The following ACVR2A variants were observed in gnomAD, a reference collection of about 807,000 sequenced individuals.
The protein encoded by ACVR2A is activin A receptor type 2A, also known as activin receptor type-2A.
Under a neutral mutation model 61.4 loss-of-function variants are expected in ACVR2A, and 7 were observed. That is an observed-to-expected ratio of 0.11 (90% CI 0.06 to 0.21). The LOEUF is 0.21. ACVR2A is among the 10% of genes least tolerant of loss of function. The probability of loss-of-function intolerance (pLI) is 1.00; values close to 1 mark genes in which losing one functional copy is unlikely to be tolerated. For missense variants in ACVR2A, 322 were observed against 621.7 expected (o/e 0.52, Z 5.13); for synonymous variants, 193 against 208.3 (o/e 0.93, Z 0.63).
At chr2:147,885,518 G>A (rs1686409425) in intron 1 of ACVR2A, among the ~76,000 whole-genome samples, 1 of 152,082 alleles carries the variant, frequency 6.6e-6, no homozygotes, top group African/African-American at 2.4e-5. Context: ...AGATATGTAA[G>A]CAGTTACATT....
intron 1 of ACVR2A, among the ~76,000 whole-genome samples, chr2:147,886,874 T>A (rs1433871945): frequency 6.6e-6 from 1 of 151,640 alleles, no homozygotes; most frequent in African/African-American, 2.4e-5. Context: ...AGGTATTTCA[T>A]CATATTGAGA....
chr2:147,910,956 A>T (rs896606775), intron 4 of ACVR2A, among the ~76,000 whole-genome samples: 3 of 152,144 alleles, frequency 2.0e-5, no homozygotes, highest in African/African-American at 7.2e-5. Flanking sequence ...GCCACCAGAA[A>T]CATTTTTCTG....
chr2:147,848,370 A>G lies in ACVR2A; in HGVS notation c.55+3163A>G, dbSNP rs554821763. ...GGTGAGTCCCCCTCCCTACTTCCCC[A>G]GATCCCCATCCATGGGACATTTGGA... On this transcript the variant is annotated intron_variant, in intron 1 of 10. Transcript: ENST00000241416. Among the ~76,000 whole-genome samples the G allele has an allele frequency of 3.9e-5, 6 of 152,212 alleles. No homozygotes were observed. The East Asian group carries it at 1.2e-3, about 29-fold the overall frequency.
chr2:147,899,347 G>T, intron 2 of ACVR2A, 111 bp from the exon 3 acceptor site: 1 of 680,690 alleles, frequency 1.5e-6, no homozygotes, highest in Non-Finnish European at 2.2e-6. Flanking sequence ...TACGAATCTT[G>T]AAGTTGAATA....
chr2:147,849,641 G>T (rs62169480), intron 1 of ACVR2A, among the ~76,000 whole-genome samples: 21,747 of 152,140 alleles, frequency 0.14, 1,924 homozygotes, highest in Middle Eastern at 0.23. Flanking sequence ...TTTTAAGGGA[G>T]TTAACCTAGC....
rs755842897 is a variant in ACVR2A, at chr2:147,927,094, C to T, written c.1362C>T (p.Leu454=). The part of the protein sequence containing the change: ...YWQKHAGMAM[L]CETIEECWDH... The stretch of plus-strand genomic sequence containing the variant: ...TCTCCTTTTAGGGAATGGCAATGCT[C>T]TGTGAAACCATTGAAGAATGTTGGG... The change falls in exon 11 of 11, where the codon CTC becomes CTT. Residue 454 remains leucine, a synonymous_variant. Coordinates refer to ENST00000241416, the MANE Select transcript of ACVR2A (RefSeq NM_001616.5). 4 of 1,611,648 alleles carry T rather than the reference C, an allele frequency of 2.5e-6. No individual in the cohort carries two copies. The South Asian group carries it at 4.4e-5, about 18-fold the overall frequency.
intron 5 of ACVR2A, among the ~76,000 whole-genome samples, 180 bp downstream of exon 5, chr2:147,915,514 CA>C (rs1573706873): frequency 6.6e-6 from 1 of 151,784 alleles, no homozygotes; most frequent in African/African-American, 2.4e-5. Context: ...GTTAATATAA[CA>C]ATCATTATGT....
intron 4 of ACVR2A, among the ~76,000 whole-genome samples, chr2:147,913,873 C>T (rs1394577371): frequency 1.7e-5 from 2 of 118,144 alleles, no homozygotes; most frequent in Admixed American, 1.8e-4. Context: ...AAATGAGTCA[C>T]AAGAAGTCTT....
chr2:147,859,992 G>T lies in ACVR2A; in HGVS notation c.55+14785G>T, dbSNP rs79185435. On this transcript the variant is annotated intron_variant, in intron 1 of 10. Coordinates refer to ENST00000241416, the MANE Select transcript of ACVR2A (RefSeq NM_001616.5). ...GTTTTAGAGGACAAAAATTATTCCA[G>T]TTGGCCACAGCTCACTGATTTCTTG... Among the ~76,000 whole-genome samples the T allele has an allele frequency of 1.5e-3, 232 of 152,236 alleles. 3 individuals are homozygous for T. The East Asian group carries it at 0.034, about 22-fold the overall frequency.
chr2:147,907,773 C>A (rs1051167783), intron 4 of ACVR2A, among the ~76,000 whole-genome samples: 2 of 152,028 alleles, frequency 1.3e-5, no homozygotes, highest in Admixed American at 6.6e-5. Context: ...GACCTGTAAT[C>A]CCAGCACTTT....
chr2:147,925,543 A>G (rs1308512458), intron 9 of ACVR2A: 3 of 151,964 alleles, frequency 2.0e-5, no homozygotes, highest in Non-Finnish European at 2.9e-5. Context: ...GAGAAGAGGT[A>G]TGACTCTGAG....
chr2:147,883,503 A>T (rs1686359717), intron 1 of ACVR2A, among the ~76,000 whole-genome samples: 1 of 152,130 alleles, frequency 6.6e-6, no homozygotes, highest in Non-Finnish European at 1.5e-5. Context: ...ATGAGTTTTC[A>T]AGTAGGAAAG....
chr2:147,846,297 G>A (rs1271055656), intron 1 of ACVR2A, among the ~76,000 whole-genome samples: 1 of 150,442 alleles, frequency 6.6e-6, no homozygotes, highest in Non-Finnish European at 1.5e-5. Flanking sequence ...AAACGGGGGC[G>A]AATTGACAGG....
chr2:147,913,529 C>G (rs1687171177), intron 4 of ACVR2A, among the ~76,000 whole-genome samples: 1 of 151,908 alleles, frequency 6.6e-6, no homozygotes, highest in Non-Finnish European at 1.5e-5. Flanking sequence ...GGTTTCCTTT[C>G]CTGTAGAAGA....
chr2:147,848,481 A>C (rs984181830), intron 1 of ACVR2A, among the ~76,000 whole-genome samples: 1 of 152,150 alleles, frequency 6.6e-6, no homozygotes, highest in Non-Finnish European at 1.5e-5. Context: ...AATCGTCCTA[A>C]AATACATGGT....
intron 4 of ACVR2A, among the ~76,000 whole-genome samples, chr2:147,913,822 CAAAAAAAAAAAAAAAAAAA>C (rs575237522): frequency 1.6e-5 from 1 of 61,782 alleles, no homozygotes; most frequent in South Asian, 9.0e-4. Context: ...AACTTGTAGA[CAAAAAAAAAAAAAAAAAAA>C]AAAAAAAAAA....
At chr2:147,882,278 C>A (rs1215487807) in intron 1 of ACVR2A, among the ~76,000 whole-genome samples, 5 of 152,224 alleles carry the variant, frequency 3.3e-5, no homozygotes, top group African/African-American at 1.2e-4. Context: ...ACGCTGGATG[C>A]AGTTGCTCAT....
At chr2:147,916,816 T>C (rs1239062531) in intron 5 of ACVR2A, among the ~76,000 whole-genome samples, 1 of 151,970 alleles carries the variant, frequency 6.6e-6, no homozygotes, top group East Asian at 1.9e-4. Context: ...CCTTGTAGGG[T>C]ATGCTAAACA....
At chr2:147,911,195 G>A (rs1055164489) in intron 4 of ACVR2A, among the ~76,000 whole-genome samples, 1 of 152,056 alleles carries the variant, frequency 6.6e-6, no homozygotes, top group African/African-American at 2.4e-5. Flanking sequence ...TTAGACTCTA[G>A]AGGCTCTTAG....
Sources: gnomAD v4.1 joint callset for allele counts (sites outside exome capture counted in the v4.1 genomes callset) on GRCh38, gnomAD v4.1.1 for gene constraint, MANE v1.5 for transcripts, NCBI Gene and HGNC (gene_info 2026-07-23, HGNC 2026-07-21) for gene names.